The following MDGA2 variants were observed in gnomAD, a reference collection of about 807,000 sequenced individuals.
MDGA2 encodes the protein MAM domain-containing glycosylphosphatidylinositol anchor protein 2.
In MDGA2, 40 loss-of-function variants were observed where a neutral mutation model predicts 117.8. The ratio of observed to expected loss-of-function variants is 0.34; its 90% CI spans 0.26 to 0.44. The LOEUF is 0.44. Among genes scored for constraint, MDGA2 ranks in the 20% least tolerant of loss-of-function variants. MDGA2 has a pLI of 1.00. For synonymous variants in MDGA2, 452 were observed against 439.0 expected (o/e 1.03, Z -0.37); for missense variants, 1,123 against 1,250.6 (o/e 0.90, Z 1.54).
At chr14:47,248,344 T>C (rs1211669727) in intron 2 of MDGA2, among the ~76,000 whole-genome samples, 1 of 151,634 alleles carries the variant, frequency 6.6e-6, no homozygotes, top group Non-Finnish European at 1.5e-5. Flanking sequence ...AAAGCATGCC[T>C]CTTTCCACAT....
chr14:46,900,645 C>A (rs1439522646), intron 10 of MDGA2, among the ~76,000 whole-genome samples: 1 of 152,082 alleles, frequency 6.6e-6, no homozygotes, highest in East Asian at 1.9e-4. Flanking sequence ...TCTGTAACAA[C>A]TGTGAAATAA....
intron 1 of MDGA2, among the ~76,000 whole-genome samples, chr14:47,648,394 C>G (rs982774383): frequency 1.9e-4 from 29 of 152,108 alleles, no homozygotes; most frequent in Non-Finnish European, 4.1e-4. Context: ...ATTCCCTTAT[C>G]TTTCCAATGA....
intron 1 of MDGA2, among the ~76,000 whole-genome samples, chr14:47,392,540 C>T (rs959573323): frequency 3.9e-5 from 6 of 151,984 alleles, no homozygotes; most frequent in Admixed American, 3.9e-4. Context: ...TAAATATAGA[C>T]TCTGCCTTCA....
intron 3 of MDGA2, among the ~76,000 whole-genome samples, chr14:47,209,413 G>A (rs1388076572): frequency 6.6e-6 from 1 of 152,132 alleles, no homozygotes; most frequent in South Asian, 2.1e-4. Flanking sequence ...CCTAAAGGCA[G>A]TAGGAACAGG....
intron 8 of MDGA2, among the ~76,000 whole-genome samples, chr14:47,003,244 C>A (rs1431901836): frequency 6.6e-6 from 1 of 152,002 alleles, no homozygotes; most frequent in Non-Finnish European, 1.5e-5. Context: ...TTTTGACTAT[C>A]ACAACCAAAG....
intron 14 of MDGA2, among the ~76,000 whole-genome samples, chr14:46,857,039 A>C (rs1210439883): frequency 6.6e-6 from 1 of 152,184 alleles, no homozygotes; most frequent in Non-Finnish European, 1.5e-5. Flanking sequence ...CTTACACAAC[A>C]TTATAATTCA....
intron 3 of MDGA2, among the ~76,000 whole-genome samples, chr14:47,150,529 A>G (rs1266612792): frequency 1.3e-5 from 2 of 152,184 alleles, no homozygotes; most frequent in African/African-American, 4.8e-5. Context: ...TGAATTCCTC[A>G]GAAGCCTGAA....
At chr14:47,481,485 C>T (rs1355271889) in intron 1 of MDGA2, among the ~76,000 whole-genome samples, 1 of 151,916 alleles carries the variant, frequency 6.6e-6, no homozygotes, top group Non-Finnish European at 1.5e-5. Context: ...TCCTGAACTG[C>T]TAATGTAATG....
chr14:47,384,980 C>G (rs551522828), intron 1 of MDGA2, among the ~76,000 whole-genome samples: 1 of 152,220 alleles, frequency 6.6e-6, no homozygotes, highest in Non-Finnish European at 1.5e-5. Context: ...TAAAAGGGAG[C>G]AAACATTTTT....
At position 47,380,944 on chromosome 14, in the gene MDGA2, C is replaced by T. The variant is rs143169067; in HGVS notation, c.281-79394G>A. ...TTAGACCAATATCCCTGATGAACAC[C>T]GATGCAAAAATCCTCAATAAAATAC... On this transcript the variant is annotated intron_variant, in intron 1 of 16. Transcript: ENST00000399232. 1.9e-3 allele frequency among the ~76,000 whole-genome samples: 293 copies of T among 152,158 alleles called. 3 individuals are homozygous for T. The highest frequency in any genetic ancestry group is 6.6e-3 in the African/African-American group (273 of 41,522).
chr14:47,374,787 A>G (rs1387349954), intron 1 of MDGA2, among the ~76,000 whole-genome samples: 3 of 152,090 alleles, frequency 2.0e-5, no homozygotes, highest in Non-Finnish European at 4.4e-5. Context: ...TTCTGTTCCA[A>G]TCTAGTATTT....
chr14:47,672,352 T>C (rs1244936407), intron 1 of MDGA2, among the ~76,000 whole-genome samples: 1 of 152,218 alleles, frequency 6.6e-6, no homozygotes, highest in Non-Finnish European at 1.5e-5. Context: ...ATCAGCTCAG[T>C]AGCAGAACTG....
At chr14:46,988,112 C>A (rs1886934725) in intron 8 of MDGA2, among the ~76,000 whole-genome samples, 1 of 151,632 alleles carries the variant, frequency 6.6e-6, no homozygotes, top group Admixed American at 6.6e-5. Context: ...ATGGTACTAG[C>A]TAGCAGTGCC....
chr14:47,248,412 T>A lies in MDGA2; in HGVS notation c.421-30217A>T, dbSNP rs1414735138. 2.6e-5 allele frequency among the ~76,000 whole-genome samples: 4 copies of A among 151,610 alleles called. No individual in the cohort carries two copies. The East Asian group carries it at 7.7e-4, about 29-fold the overall frequency. On this transcript the variant is annotated intron_variant, in intron 2 of 16. Coordinates refer to ENST00000399232, the MANE Select transcript of MDGA2 (RefSeq NM_001113498.3). Reference sequence around the variant, plus strand: ...TGTTAGAAAGTTTAGGAAAATAGATTAATGAAAGAAGACAATTTTTTCTGT... The same window carrying A: ...TGTTAGAAAGTTTAGGAAAATAGATAAATGAAAGAAGACAATTTTTTCTGT...
intron 2 of MDGA2, among the ~76,000 whole-genome samples, chr14:47,219,634 C>T (rs944206427): frequency 6.6e-6 from 1 of 151,852 alleles, no homozygotes; most frequent in African/African-American, 2.4e-5. Context: ...TAGAAATTAG[C>T]CTACTGTATG....
chr14:47,377,312 G>A (rs923453692), intron 1 of MDGA2, among the ~76,000 whole-genome samples: 9 of 152,118 alleles, frequency 5.9e-5, no homozygotes, highest in Admixed American at 6.5e-5. Flanking sequence ...TGCAGAAGAC[G>A]GGTGATTTCT....
chr14:46,905,791 CA>C (rs1376918839), intron 10 of MDGA2, among the ~76,000 whole-genome samples: 1 of 151,588 alleles, frequency 6.6e-6, no homozygotes, highest in Admixed American at 6.6e-5. Context: ...ATAACTGAAA[CA>C]AAACAAAACA....
intron 1 of MDGA2, among the ~76,000 whole-genome samples, chr14:47,650,691 G>C (rs1446533572): frequency 1.3e-5 from 2 of 151,988 alleles, no homozygotes; most frequent in Non-Finnish European, 2.9e-5. Context: ...AAGCAGGTTG[G>C]AAAAATGCAT....
intron 9 of MDGA2, among the ~76,000 whole-genome samples, chr14:46,920,837 T>C (rs1339878717): frequency 6.6e-6 from 1 of 152,240 alleles, no homozygotes; most frequent in Non-Finnish European, 1.5e-5. Flanking sequence ...AATTTGTGTT[T>C]GTATTACCTG....
Sources: allele counts gnomAD v4.1 joint callset (sites outside exome capture counted in the v4.1 genomes callset), GRCh38; gene constraint gnomAD v4.1.1; transcripts MANE v1.5; gene names NCBI Gene and HGNC (gene_info 2026-07-23, HGNC 2026-07-21).